Variants in SRRM4 observed in about 807,000 individuals in gnomAD.
SRRM4 encodes serine/arginine repetitive matrix 4.
A neutral mutation model predicts 68.9 loss-of-function variants in SRRM4; 33 were observed. That is an observed-to-expected ratio of 0.48 (90% CI 0.36 to 0.64). The LOEUF is 0.64. SRRM4 is among the 30% of genes least tolerant of loss of function. The probability of loss-of-function intolerance (pLI) is 0.00; values close to 1 mark genes in which losing one functional copy is unlikely to be tolerated. For missense variants in SRRM4, 817 were observed against 827.1 expected, an observed-to-expected ratio of 0.99 and a Z score of 0.15; for synonymous variants, 318 against 318.8, an observed-to-expected ratio of 1.00 and a Z score of 0.03.
intron 1 of SRRM4, among the ~76,000 whole-genome samples, chr12:119,024,630 C>T (rs754060969): frequency 2.6e-5 from 4 of 152,224 alleles, no homozygotes; most frequent in Non-Finnish European, 5.9e-5. Flanking sequence ...ATCCAGGTTT[C>T]TCCAGAGCAT....
At chr12:119,054,481 T>C (rs997899363) in intron 1 of SRRM4, among the ~76,000 whole-genome samples, 2 of 152,180 alleles carry the variant, frequency 1.3e-5, no homozygotes. Flanking sequence ...GAACTCAAAT[T>C]CAATCAGCCT....
intron 1 of SRRM4, among the ~76,000 whole-genome samples, chr12:119,075,943 GA>G (rs1953912118): frequency 6.3e-5 from 7 of 111,802 alleles, no homozygotes; most frequent in Admixed American, 5.0e-4. Context: ...TGGTGATGAT[GA>G]TGGTGGTAAT....
chr12:119,121,645 C>T (rs1384972270), intron 5 of SRRM4, among the ~76,000 whole-genome samples: 2 of 152,216 alleles, frequency 1.3e-5, no homozygotes, highest in Admixed American at 1.3e-4. Flanking sequence ...AACCAAGTTT[C>T]TTTGCCCATC....
intron 8 of SRRM4, chr12:119,132,345 G>A (rs1035741936): frequency 4.6e-5 from 7 of 152,198 alleles, no homozygotes; most frequent in Admixed American, 1.3e-4. Context: ...TGTCTCCCAG[G>A]AGGATTGTGG....
intron 1 of SRRM4, among the ~76,000 whole-genome samples, chr12:119,023,596 G>A (rs1953529781): frequency 6.6e-6 from 1 of 152,202 alleles, no homozygotes; most frequent in Admixed American, 6.5e-5. Context: ...AGCAGCCAGT[G>A]TGACCTTCCC....
chr12:119,150,689 G>A, intron 9 of SRRM4, among the ~76,000 whole-genome samples: 1 of 152,078 alleles, frequency 6.6e-6, no homozygotes, highest in Middle Eastern at 3.2e-3. Context: ...ACTAGACAGG[G>A]AATAAATTTC....
At chr12:119,105,652 C>A (rs1335864167) in intron 2 of SRRM4, among the ~76,000 whole-genome samples, 1 of 152,270 alleles carries the variant, frequency 6.6e-6, no homozygotes, top group Non-Finnish European at 1.5e-5. Context: ...CCTTTGCCCA[C>A]TTTTTGATGG....
At chr12:119,043,775 T>TACACACACACAC (rs58053550) in intron 1 of SRRM4, among the ~76,000 whole-genome samples, 7,374 of 141,632 alleles carry the variant, frequency 0.052, 253 homozygotes, top group Middle Eastern at 0.075. Flanking sequence ...CATACACGCA[T>TACACACACACAC]ACACACACAC....
intron 1 of SRRM4, among the ~76,000 whole-genome samples, chr12:119,004,776 C>T (rs552092575): frequency 6.6e-6 from 1 of 152,030 alleles, no homozygotes; most frequent in South Asian, 2.1e-4. Flanking sequence ...TACTTCCTGC[C>T]GAAGACGTAG....
intron 1 of SRRM4, among the ~76,000 whole-genome samples, chr12:119,067,582 C>T (rs1023872838): frequency 3.3e-5 from 5 of 152,142 alleles, no homozygotes; most frequent in Non-Finnish European, 5.9e-5. Context: ...GTGGCGCGTG[C>T]CTGTAATCCC....
intron 1 of SRRM4, among the ~76,000 whole-genome samples, chr12:119,056,310 A>G (rs539406123): frequency 3.9e-4 from 60 of 152,356 alleles, no homozygotes; most frequent in African/African-American, 1.4e-3. Context: ...GATGTCAGCT[A>G]CAAGGAGATG....
chr12:119,033,188 A>G (rs1594035959), intron 1 of SRRM4, among the ~76,000 whole-genome samples: 1 of 152,304 alleles, frequency 6.6e-6, no homozygotes. Flanking sequence ...GCTAAAACTT[A>G]GGGCAAATAA....
At chr12:119,128,086 T>C (rs1438918943) in intron 7 of SRRM4, among the ~76,000 whole-genome samples, 1 of 152,182 alleles carries the variant, frequency 6.6e-6, no homozygotes, top group Non-Finnish European at 1.5e-5. Flanking sequence ...GAAGAGGCCC[T>C]TGGTACCTAC....
intron 1 of SRRM4, among the ~76,000 whole-genome samples, chr12:119,089,702 T>C (rs1954002566): frequency 6.6e-6 from 1 of 152,122 alleles, no homozygotes. Flanking sequence ...ATTGGTGGAG[T>C]TGGTATAGAC....
intron 8 of SRRM4, among the ~76,000 whole-genome samples, chr12:119,137,624 GAGAGAGAGAGGAGAT>G (rs1954338733): frequency 4.2e-5 from 5 of 117,986 alleles, no homozygotes; most frequent in Non-Finnish European, 5.9e-5. Context: ...GAGAGAGAGA[GAGAGAGAGAGGAGAT>G]ACTGGAGCTT....
intron 3 of SRRM4, among the ~76,000 whole-genome samples, chr12:119,114,862 C>A (rs1410585442): frequency 6.6e-6 from 1 of 151,898 alleles, no homozygotes; most frequent in Non-Finnish European, 1.5e-5. Flanking sequence ...GACAGAATTT[C>A]ACTGTGTTAG....
At chr12:119,016,968 T>A (rs2135999887) in intron 1 of SRRM4, among the ~76,000 whole-genome samples, 1 of 152,342 alleles carries the variant, frequency 6.6e-6, no homozygotes, top group Admixed American at 6.5e-5. Context: ...TTCATAGTAT[T>A]GTTGTGATAA....
intron 1 of SRRM4, among the ~76,000 whole-genome samples, chr12:119,055,029 T>A (rs1953767709): frequency 6.6e-6 from 1 of 151,882 alleles, no homozygotes; most frequent in African/African-American, 2.4e-5. Flanking sequence ...GGAGCTGGAG[T>A]GAAGCCACCT....
At chr12:119,039,848 A>AAG (rs59219951) in intron 1 of SRRM4, among the ~76,000 whole-genome samples, 5,752 of 149,260 alleles carry the variant, frequency 0.039, 384 homozygotes, top group African/African-American at 0.13. Context: ...GACGTGGCTG[A>AAG]AGAGAGAGAG....
Sources: allele counts gnomAD v4.1 joint callset (sites outside exome capture counted in the v4.1 genomes callset), GRCh38; gene constraint gnomAD v4.1.1; transcripts MANE v1.5; gene names NCBI Gene and HGNC (gene_info 2026-07-23, HGNC 2026-07-21).